The following WDR83 variants were observed in gnomAD, a reference collection of about 807,000 sequenced individuals.
WDR83 encodes WD repeat domain-containing protein 83.
WDR83 carries 37 observed loss-of-function variants against 37.7 expected under a neutral mutation model. That is an observed-to-expected ratio of 0.98 (90% CI 0.76 to 1.29). The LOEUF is 1.29. Among genes scored for constraint, WDR83 ranks in the 50% most tolerant of loss-of-function variants. The pLI, the probability that WDR83 is intolerant of heterozygous loss-of-function variation, is 0.00. For synonymous variants in WDR83, 174 were observed against 181.1 expected (o/e 0.96, Z 0.31); for missense variants, 445 against 414.4 (o/e 1.07, Z -0.64).
At chr19:12,675,444 G>GA in intron 10 of WDR83, 79 bp from the exon 11 acceptor site, 3 of 1,551,016 alleles carry the variant, frequency 1.9e-6, no homozygotes, top group Non-Finnish European at 2.6e-6. Flanking sequence ...GCAGGACTGA[G>GA]ATGGGGGGTG....
intron 7 of WDR83, chr19:12,672,344 C>T: frequency 5.5e-6 from 1 of 181,734 alleles, no homozygotes; most frequent in Non-Finnish European, 1.2e-5. Flanking sequence ...TGGGGTGGCT[C>T]ACACCTGTAA....
chr19:12,675,252 C>A (rs2024539258), intron 10 of WDR83, among the ~76,000 whole-genome samples: 2 of 152,208 alleles, frequency 1.3e-5, no homozygotes, highest in Non-Finnish European at 2.9e-5. Context: ...CATGGTAAGA[C>A]CCCATCTCTG....
intron 2 of WDR83, chr19:12,669,271 G>T: frequency 6.2e-7 from 1 of 1,611,114 alleles, no homozygotes. Context: ...CTCAGGTCCT[G>T]CCCCCGGGAT....
At chr19:12,670,868 CAT>C (rs763178919) in intron 7 of WDR83, 47 bp downstream of exon 7, 3 of 1,586,510 alleles carry the variant, frequency 1.9e-6, no homozygotes, top group Non-Finnish European at 2.6e-6. Flanking sequence ...TACGGGGAAT[CAT>C]AGCTGCCCCC....
At position 12,668,559 on chromosome 19, in the gene WDR83, C is replaced by T. The variant is rs201486137; in HGVS notation, c.-105C>T. ...CATTTGCTTCGTGTCCTCCGAGCTCCGAGAGTTGGCAAAGCTGATGAAGGA... is the reference window on the plus strand; with the variant it reads ...CATTTGCTTCGTGTCCTCCGAGCTCTGAGAGTTGGCAAAGCTGATGAAGGA... On this transcript the variant is annotated 5_prime_UTR_variant, in exon 2 of 11. An upstream open reading frame in the 5' UTR gains an earlier in-frame stop. Transcript: ENST00000418543. The T allele has an allele frequency of 1.6e-4, 264 of 1,613,990 alleles. 1 individual carries two copies. The highest frequency in any genetic ancestry group is 4.1e-5 in the Non-Finnish European group (48 of 1,180,014).
chr19:12,673,126 T>C lies in WDR83; in HGVS notation c.683+10T>C. The C allele has an allele frequency of 3.1e-6, 5 of 1,612,392 alleles. No homozygotes were observed. The highest frequency in any genetic ancestry group is 4.2e-6 in the Non-Finnish European group (5 of 1,178,730). On this transcript the variant is annotated intron_variant, in intron 9 of 10. Transcript: ENST00000418543. ...GGGAGCTGCTGGGCGAGTGAGTCCT[T>C]GTGGTCGTGGGGATCCCCTTCCCTC...
chr19:12,666,908 A>G lies in WDR83; in HGVS notation c.-241A>G. On this transcript the variant is annotated 5_prime_UTR_variant, in exon 1 of 11. An upstream open reading frame in the 5' UTR loses its in-frame stop. Coordinates refer to ENST00000418543, the MANE Select transcript of WDR83 (RefSeq NM_001099737.3). ...CCACCCTCAGGGCACTGGTTGGGCT[A>G]AAGGTGACACTGGCGTCTCACGGGC... 1.7e-6 allele frequency: 1 copy of G among 587,508 alleles called. No individual in the cohort carries two copies. Among genetic ancestry groups the G allele is most frequent in the Middle Eastern group, 4.5e-4 (1 of 2,216 alleles). The allele number at this position is 587,508 out of a possible 1,614,324, so 36.4% of individuals were successfully genotyped here.
At chr19:12,668,262 G>T in intron 1 of WDR83, 5 of 1,297,926 alleles carry the variant, frequency 3.9e-6, no homozygotes, top group Middle Eastern at 2.0e-4. Flanking sequence ...CTCATTCAGG[G>T]AAGTCCAGGA....
chr19:12,671,988 G>A (rs1027840469), intron 7 of WDR83, among the ~76,000 whole-genome samples: 15 of 152,248 alleles, frequency 9.9e-5, no homozygotes, highest in African/African-American at 3.6e-4. Flanking sequence ...GAGCCACCGC[G>A]CCTGGTGGAA....
chr19:12,672,066 CAGA>C (rs2024437531), intron 7 of WDR83, among the ~76,000 whole-genome samples: 3 of 152,146 alleles, frequency 2.0e-5, no homozygotes, highest in African/African-American at 7.2e-5. Context: ...GTTGAGAAAG[CAGA>C]GGAGGAGGAA....
chr19:12,673,780 C>T (rs976932961), intron 10 of WDR83, among the ~76,000 whole-genome samples: 1 of 152,050 alleles, frequency 6.6e-6, no homozygotes, highest in Non-Finnish European at 1.5e-5. Context: ...CTCACTGCAA[C>T]CTCTTCCCCC....
chr19:12,669,816 G>A lies in WDR83; in HGVS notation c.26G>A (p.Arg9Gln), dbSNP rs2024357026. The part of the protein sequence containing the change: MAFPEPKP[R>Q]PPELPQKRLK... ...ATGGCTTTCCCTGAGCCAAAGCCGC[G>A]GCCTCCAGAGCTGCCGCAGAAACGG... is the stretch of plus-strand genomic sequence containing the variant. Residue 9 changes from arginine (R) to glutamine (Q), a missense_variant, in exon 3 of 11, where the codon CGG (arginine) becomes CAG (glutamine). Coordinates refer to ENST00000418543, the MANE Select transcript of WDR83 (RefSeq NM_001099737.3). The A allele has an allele frequency of 1.9e-6, 3 of 1,610,268 alleles. No individual in the cohort carries two copies. The highest frequency in any genetic ancestry group is 2.5e-6 in the Non-Finnish European group (3 of 1,178,162).
Position 12,670,760 on chromosome 19 carries a change from C to G in WDR83, c.445C>G (p.Leu149Val). Residue 149 changes from leucine to valine, a missense_variant, in exon 7 of 11, where the codon CTG becomes GTG. Leu to Val is a conservative substitution (Grantham distance 32). Transcript: ENST00000418543. ...ACGGAGGCCTGAGCCAGTGCAGACG[C>G]TGGATGAGGCCAGAGATGGCGTGTC... ...RSRRPEPVQT[L>V]DEARDGVSSV... is the part of the protein sequence containing the mutation. 6.2e-7 allele frequency: 1 copy of G among 1,614,196 alleles called. No individual in the cohort carries two copies. The highest frequency in any genetic ancestry group is 8.5e-7 in the Non-Finnish European group (1 of 1,180,044).
rs1262903488 is a variant in WDR83, at chr19:12,672,988, C to T, written c.575-20C>T. 6.2e-7 allele frequency: 1 copy of T among 1,608,154 alleles called. No individual in the cohort carries two copies. Among genetic ancestry groups the T allele is most frequent in the Non-Finnish European group, 8.5e-7 (1 of 1,177,422 alleles). On this transcript the variant is annotated intron_variant, in intron 8 of 10. Coordinates refer to ENST00000418543, the MANE Select transcript of WDR83 (RefSeq NM_001099737.3). ...CCAGGGGCACCCCACCCTCACTCAC[C>T]TACCCACCCTTCCCCCAAGGCCCCA...
intron 2 of WDR83, chr19:12,669,184 G>A: frequency 6.2e-7 from 1 of 1,614,168 alleles, no homozygotes; most frequent in South Asian, 1.1e-5. Context: ...ATGTAGTCCG[G>A]CGTCGGGTCG....
Position 12,669,976 on chromosome 19 carries a change from G to C in WDR83, c.104-1G>C. 6.2e-7 allele frequency: 1 copy of C among 1,609,858 alleles called. No individual in the cohort carries two copies. The highest frequency in any genetic ancestry group is 1.3e-5 in the African/African-American group (1 of 75,004). ...AGTAACCCCCGCCTGGTGTTCCCCA[G>C]TGGATGGCAATTACTGCCTGACGTG... On this transcript the variant is annotated splice_acceptor_variant, in intron 3 of 10. Transcript: ENST00000418543. LOFTEE classifies it high-confidence loss of function.
At position 12,675,635 on chromosome 19, in the gene WDR83, G is replaced by A. The variant is rs35092999; in HGVS notation, c.911G>A (p.Arg304Gln). The A allele has an allele frequency of 9.3e-3, 14,968 of 1,602,246 alleles. 209 individuals are homozygous for A. Among genetic ancestry groups the A allele is most frequent in the Admixed American group, 0.068 (4,046 of 59,874 alleles). Reference protein sequence around the residue: ...TAMGGSVQCWREEAYEAEDGA... With the variant: ...TAMGGSVQCWQEEAYEAEDGA... ...ATGGGAGGCAGCGTCCAGTGCTGGC[G>A]AGAGGAGGCCTATGAGGCAGAGGAT... Residue 304 changes from arginine to glutamine, a missense_variant, in exon 11 of 11, where the codon CGA becomes CAA. By Grantham distance (43) the Arg-to-Gln change is conservative. Transcript: ENST00000418543.
rs141566885 is a variant in WDR83 at position 12,670,045 on chromosome 19, A to G, written c.172A>G (p.Thr58Ala). The G allele has an allele frequency of 1.2e-6, 2 of 1,612,882 alleles. No individual in the cohort carries two copies. The highest frequency in any genetic ancestry group is 1.3e-5 in the African/African-American group (1 of 74,874). ...TLKLWNPLRG[T>A]LLRTYSGHGY... ...GAAGCTGTGGAACCCGCTTCGGGGG[A>G]CGCTGCTGCGGACGTACAGCGGCCA... Residue 58 changes from threonine to alanine, a missense_variant, in exon 4 of 11, where the codon ACG becomes GCG. Transcript: ENST00000418543.
intron 7 of WDR83, 132 bp from the exon 8 acceptor site, chr19:12,672,715 C>T (rs1429134810): frequency 1.0e-6 from 1 of 953,530 alleles, no homozygotes; most frequent in Non-Finnish European, 1.6e-6. Context: ...GGGCCTGAGT[C>T]TCAAGGCCAG....
Sources: allele counts gnomAD v4.1 joint callset (sites outside exome capture counted in the v4.1 genomes callset), GRCh38; gene constraint gnomAD v4.1.1; transcripts MANE v1.5; gene names NCBI Gene and HGNC (gene_info 2026-07-23, HGNC 2026-07-21).